Variants in SLC35D1 observed in about 807,000 individuals in gnomAD.
The protein encoded by SLC35D1 is nucleotide sugar transporter SLC35D1.
In SLC35D1, 31 loss-of-function variants were observed where a neutral mutation model predicts 46.7. The observed-to-expected ratio is 0.66, with a 90% CI of 0.50 to 0.90. The LOEUF (loss-of-function observed/expected upper bound fraction) is 0.90, where lower values mean the gene tolerates loss of function less well. Among genes scored for constraint, SLC35D1 ranks in the 40% least tolerant of loss-of-function variants. The pLI, the probability that SLC35D1 is intolerant of heterozygous loss-of-function variation, is 0.00. For missense variants in SLC35D1, 397 were observed against 426.2 expected (o/e 0.93, Z 0.60); for synonymous variants, 195 against 164.6 (o/e 1.18, Z -1.41).
intron 7 of SLC35D1, among the ~76,000 whole-genome samples, chr1:67,045,600 T>C (rs1645243914): frequency 6.6e-6 from 1 of 152,210 alleles, no homozygotes; most frequent in South Asian, 2.1e-4. Flanking sequence ...TAGTGATTTC[T>C]AAGTGAGAAA....
At chr1:66,981,807 A>G in the SLC35D1 span, 1 of 1,613,860 alleles carries the variant, frequency 6.2e-7, no homozygotes, top group Non-Finnish European at 8.5e-7. Flanking sequence ...TCTAGACGAA[A>G]GTGAAAGTGC....
chr1:66,988,871 T>C, the SLC35D1 span, among the ~76,000 whole-genome samples: 490 of 152,336 alleles, frequency 3.2e-3, 6 homozygotes, highest in African/African-American at 0.011. Context: ...AGATGCGGCA[T>C]GCCCTGTTCT....
chr1:67,026,358 T>A (rs1444522920), intron 8 of SLC35D1, among the ~76,000 whole-genome samples: 1 of 152,210 alleles, frequency 6.6e-6, no homozygotes, highest in Non-Finnish European at 1.5e-5. Context: ...ATAAACACAA[T>A]ATGGTCATGA....
At chr1:66,976,522 A>G in the SLC35D1 span, 1 of 1,438,086 alleles carries the variant, frequency 7.0e-7, no homozygotes, top group Middle Eastern at 1.8e-4. Flanking sequence ...TTTATTTTCA[A>G]ACTTCAGATG....
At chr1:67,035,146 G>GCA (rs138612292) in intron 8 of SLC35D1, among the ~76,000 whole-genome samples, 18 of 151,322 alleles carry the variant, frequency 1.2e-4, no homozygotes, top group East Asian at 5.8e-4. Context: ...GTGTGTGTGT[G>GCA]CGCGCGTGTG....
At chr1:67,020,647 A>G (rs552173187) in intron 9 of SLC35D1, among the ~76,000 whole-genome samples, 200 bp from the exon 10 acceptor site, 53 of 152,248 alleles carry the variant, frequency 3.5e-4, no homozygotes, top group African/African-American at 1.3e-3. Flanking sequence ...CTCCTTACCA[A>G]GAGTTTTTCT....
At chr1:66,983,301 G>A in the SLC35D1 span, among the ~76,000 whole-genome samples, 236 of 152,158 alleles carry the variant, frequency 1.6e-3, no homozygotes, top group African/African-American at 5.3e-3. Context: ...CTACAGAATT[G>A]TTCTCTTCAA....
At chr1:67,037,242 T>G (rs777118035) in intron 8 of SLC35D1, among the ~76,000 whole-genome samples, 1 of 152,106 alleles carries the variant, frequency 6.6e-6, no homozygotes, top group Non-Finnish European at 1.5e-5. Context: ...ACAGTCACAG[T>G]GTATAAGTAG....
intron 10 of SLC35D1, 108 bp downstream of exon 10, chr1:67,020,261 G>A (rs1054208639): frequency 3.2e-5 from 24 of 746,912 alleles, no homozygotes; most frequent in Non-Finnish European, 5.6e-5. Context: ...AAGACAGTAT[G>A]TGAGGAAATA....
intron 8 of SLC35D1, among the ~76,000 whole-genome samples, chr1:67,023,343 G>C (rs972393577): frequency 6.6e-6 from 1 of 152,150 alleles, no homozygotes; most frequent in Non-Finnish European, 1.5e-5. Flanking sequence ...ACTTGGAACT[G>C]TTACAGGCCA....
rs1330447154 is a variant in SLC35D1 at position 67,053,936 on chromosome 1, C to T, written c.78G>A (p.Glu26=). Reference sequence around the variant, plus strand: ...CGGCCGACGCCATCCCCAGCTCCTCCTCATCTCGGAGTGTGGAGGATTTCG... The same window carrying T: ...CGGCCGACGCCATCCCCAGCTCCTCTTCATCTCGGAGTGTGGAGGATTTCG... ...APAKSSTLRD[E]EELGMASAET... Residue 26 remains glutamate, a synonymous_variant, in exon 1 of 12, where the codon GAG becomes GAA. Transcript: ENST00000235345. The T allele has an allele frequency of 2.5e-6, 4 of 1,613,800 alleles. No homozygotes were observed. Among genetic ancestry groups the T allele is most frequent in the Non-Finnish European group, 3.4e-6 (4 of 1,179,746 alleles).
At chr1:67,051,810 C>T (rs1645312097) in intron 4 of SLC35D1, among the ~76,000 whole-genome samples, 1 of 150,626 alleles carries the variant, frequency 6.6e-6, no homozygotes, top group Admixed American at 6.6e-5. Context: ...AAACAAAAAA[C>T]TCCTCTTTCT....
the SLC35D1 span, among the ~76,000 whole-genome samples, chr1:66,973,945 C>T: frequency 1.3e-5 from 2 of 152,022 alleles, no homozygotes; most frequent in Non-Finnish European, 2.9e-5. Flanking sequence ...TGCCACAGCT[C>T]TCTTTTTATA....
chr1:66,998,375 G>C (rs537720997), downstream of SLC35D1, among the ~76,000 whole-genome samples: 28 of 152,242 alleles, frequency 1.8e-4, no homozygotes, highest in South Asian at 5.8e-3. Context: ...TGTAATCCCA[G>C]TCACTCCAGA....
chr1:67,025,870 TAC>T (rs1175329095), intron 8 of SLC35D1, among the ~76,000 whole-genome samples: 1 of 152,234 alleles, frequency 6.6e-6, no homozygotes, highest in Non-Finnish European at 1.5e-5. Context: ...TTTGTGGAGC[TAC>T]AGTTAATTTT....
At chr1:67,041,116 T>C (rs1668233714) in intron 8 of SLC35D1, among the ~76,000 whole-genome samples, 1 of 152,210 alleles carries the variant, frequency 6.6e-6, no homozygotes, top group Admixed American at 6.5e-5. Flanking sequence ...ATATTAAATA[T>C]ACAAAGTGAC....
At chr1:67,051,908 A>AT (rs906906346) in intron 4 of SLC35D1, 104 bp downstream of exon 4, 7 of 844,220 alleles carry the variant, frequency 8.3e-6, no homozygotes, top group Non-Finnish European at 1.4e-5. Flanking sequence ...TGGTCCTTTC[A>AT]TTTTTTTCCA....
intron 10 of SLC35D1, among the ~76,000 whole-genome samples, chr1:67,014,102 G>C (rs1319999864): frequency 1.3e-5 from 2 of 152,064 alleles, no homozygotes; most frequent in African/African-American, 4.8e-5. Context: ...TGCTTAATGG[G>C]CTCTGCCTTG....
At chr1:67,012,986 A>G (rs1465988276) in intron 10 of SLC35D1, among the ~76,000 whole-genome samples, 1 of 151,918 alleles carries the variant, frequency 6.6e-6, no homozygotes, top group African/African-American at 2.4e-5. Context: ...GGTATCTTCA[A>G]TAAAAAAAAT....
Sources: allele counts gnomAD v4.1 joint callset (sites outside exome capture counted in the v4.1 genomes callset), GRCh38; gene constraint gnomAD v4.1.1; transcripts MANE v1.5; gene names NCBI Gene and HGNC (gene_info 2026-07-23, HGNC 2026-07-21).